The following SIPA1L3 variants were observed in gnomAD, a reference collection of about 807,000 sequenced individuals.
SIPA1L3 encodes the protein signal-induced proliferation-associated 1-like protein 3.
In SIPA1L3, 59 loss-of-function variants were observed where a neutral mutation model predicts 150.1. That is an observed-to-expected ratio of 0.39 (90% CI 0.32 to 0.49). SIPA1L3 has a LOEUF of 0.49. Among genes scored for constraint, SIPA1L3 ranks in the 20% least tolerant of loss-of-function variants. The probability of loss-of-function intolerance (pLI) is 0.86; values close to 1 mark genes in which losing one functional copy is unlikely to be tolerated. For synonymous variants in SIPA1L3, 1,070 were observed against 1,077.6 expected (o/e 0.99, Z 0.14); for missense variants, 2,211 against 2,489.5 (o/e 0.89, Z 2.38).
chr19:38,158,717 G>A (rs968014103), intron 13 of SIPA1L3, among the ~76,000 whole-genome samples: 3 of 152,232 alleles, frequency 2.0e-5, no homozygotes, highest in Non-Finnish European at 4.4e-5. Context: ...TTGTGGGCAT[G>A]AGAGAAGTCA....
rs181539298 is a variant in SIPA1L3 at position 38,141,549 on chromosome 19, G to A, written c.3395+114G>A. ...ATCCTCTTCCTCGCCTCAAGCTTTC[G>A]ACCTTCCTTCTTATCCTTATGTCTC... On this transcript the variant is annotated intron_variant, in intron 11 of 21. Transcript: ENST00000222345. 218 of 1,160,494 alleles carry A rather than the reference G, an allele frequency of 1.9e-4. 3 individuals carry two copies. The East Asian group carries it at 4.0e-3, about 21-fold the overall frequency. The allele number at this position is 1,160,494 out of a possible 1,614,324, so 71.9% of individuals were successfully genotyped here.
At chr19:37,989,251 G>A (rs1967438713) in intron 1 of SIPA1L3, among the ~76,000 whole-genome samples, 2 of 152,248 alleles carry the variant, frequency 1.3e-5, no homozygotes, top group South Asian at 4.1e-4. Context: ...ACAAGATATT[G>A]CTCTGTCACC....
At chr19:38,130,027 G>C (rs1277774295) in intron 9 of SIPA1L3, among the ~76,000 whole-genome samples, 1 of 151,358 alleles carries the variant, frequency 6.6e-6, no homozygotes, top group African/African-American at 2.4e-5. Context: ...AGATCATGCC[G>C]CTGCACTTCA....
At position 38,062,119 on chromosome 19, in the gene SIPA1L3, C is replaced by T. The variant is rs144064865; in HGVS notation, c.-310-19137C>T. Reference sequence around the variant, plus strand: ...GGAGTGCCCTATGGGGATCATCTTGCTGGATCTACCAGCAGTCTCACGAGG... The same window carrying T: ...GGAGTGCCCTATGGGGATCATCTTGTTGGATCTACCAGCAGTCTCACGAGG... On this transcript the variant is annotated intron_variant, in intron 2 of 21. Coordinates refer to ENST00000222345, the MANE Select transcript of SIPA1L3 (RefSeq NM_015073.3). 2.9e-3 allele frequency among the ~76,000 whole-genome samples: 446 copies of T among 152,050 alleles called. 2 individuals are homozygous for T. The highest frequency in any genetic ancestry group is 0.01 in the African/African-American group (424 of 41,464).
intron 5 of SIPA1L3, among the ~76,000 whole-genome samples, chr19:38,100,557 C>T (rs944298943): frequency 7.2e-5 from 11 of 152,192 alleles, no homozygotes; most frequent in South Asian, 4.1e-4. Context: ...GGAGAGCCAT[C>T]GATTGGGCTA....
Position 38,142,553 on chromosome 19 carries a change from C to T in SIPA1L3, c.3396-20C>T, listed in dbSNP as rs1411825938. On this transcript the variant is annotated intron_variant, in intron 11 of 21. Coordinates refer to ENST00000222345, the MANE Select transcript of SIPA1L3 (RefSeq NM_015073.3). ...CCTCCTACTCACCCTCTGCCTCCTT[C>T]CTCCCCTGTCTCCTTCTAGGCCTGT... The T allele has an allele frequency of 1.3e-6, 2 of 1,592,068 alleles. No individual in the cohort carries two copies. The highest frequency in any genetic ancestry group is 1.1e-5 in the South Asian group (1 of 89,368).
At chr19:38,079,344 G>C in intron 2 of SIPA1L3, among the ~76,000 whole-genome samples, 1 of 152,288 alleles carries the variant, frequency 6.6e-6, no homozygotes, top group Middle Eastern at 3.4e-3. Flanking sequence ...ACTGTTCTAG[G>C]CACTGGGAAT....
chr19:38,179,602 TCC>T, intron 15 of SIPA1L3, among the ~76,000 whole-genome samples: 1 of 152,232 alleles, frequency 6.6e-6, no homozygotes, highest in South Asian at 2.1e-4. Flanking sequence ...TTGTCCTATT[TCC>T]TTCTCCCTTT....
At chr19:38,070,360 C>T (rs1286207155) in intron 2 of SIPA1L3, among the ~76,000 whole-genome samples, 3 of 152,266 alleles carry the variant, frequency 2.0e-5, no homozygotes, top group South Asian at 2.1e-4. Context: ...CACACATGAG[C>T]CACTGCACCC....
At chr19:38,109,939 G>A in intron 7 of SIPA1L3, 1 of 375,212 alleles carries the variant, frequency 2.7e-6, no homozygotes, top group Non-Finnish European at 5.0e-6. Flanking sequence ...ACCAGAAGAG[G>A]TGACGAAGGA....
chr19:38,153,092 A>T, intron 13 of SIPA1L3, 125 bp downstream of exon 13: 18 of 1,272,958 alleles, frequency 1.4e-5, no homozygotes, highest in Non-Finnish European at 1.9e-5. Context: ...GAAAGCTGTA[A>T]GCGCCACATG....
intron 1 of SIPA1L3, among the ~76,000 whole-genome samples, chr19:38,001,808 A>C (rs1200141910): frequency 2.6e-5 from 4 of 152,206 alleles, no homozygotes; most frequent in Non-Finnish European, 5.9e-5. Flanking sequence ...TAAAACTTTT[A>C]TTGTGGCACA....
intron 12 of SIPA1L3, among the ~76,000 whole-genome samples, chr19:38,146,351 C>T (rs1241643293): frequency 6.6e-6 from 1 of 152,178 alleles, no homozygotes; most frequent in Non-Finnish European, 1.5e-5. Context: ...TAACCACTCA[C>T]CCATCAAAAG....
intron 20 of SIPA1L3, among the ~76,000 whole-genome samples, chr19:38,202,616 G>A (rs1973113464): frequency 6.6e-6 from 1 of 152,062 alleles, no homozygotes; most frequent in Non-Finnish European, 1.5e-5. Context: ...AAGGAAAGCT[G>A]CTAGGCAGTG....
chr19:38,082,495 C>T lies in SIPA1L3; in HGVS notation c.930C>T (p.Pro310=), dbSNP rs775746400. The T allele has an allele frequency of 4.1e-5, 65 of 1,594,682 alleles. No individual in the cohort carries two copies. Among genetic ancestry groups the T allele is most frequent in the Admixed American group, 6.8e-5 (4 of 58,946 alleles). ...SIFRKLRSSK[P]EGEAGRSPGE... ...TTCGGAAGCTAAGGAGCAGCAAACCCGAGGGGGAGGCTGGGCGTTCCCCGG... is the reference window on the plus strand; with the variant it reads ...TTCGGAAGCTAAGGAGCAGCAAACCTGAGGGGGAGGCTGGGCGTTCCCCGG... Residue 310 remains proline (P), a synonymous_variant, in exon 3 of 22, where the codon CCC becomes CCT. Transcript: ENST00000222345.
At position 38,140,155 on chromosome 19, in the gene SIPA1L3, G is replaced by A. The variant is rs78023259; in HGVS notation, c.3144-1029G>A. Among the ~76,000 whole-genome samples, 811 of 152,354 alleles carry A rather than the reference G, an allele frequency of 5.3e-3. 31 individuals are homozygous for A. Among genetic ancestry groups the A allele is most frequent in the Admixed American group, 0.046 (697 of 15,306 alleles). On this transcript the variant is annotated intron_variant, in intron 10 of 21. Coordinates refer to ENST00000222345, the MANE Select transcript of SIPA1L3 (RefSeq NM_015073.3). ...AGACACTCAGAGGATCAGCTCGATG[G>A]GGGTATGGGCACTTCCAGGCTGAAG...
chr19:38,132,317 C>A (rs955193993), intron 10 of SIPA1L3, among the ~76,000 whole-genome samples: 3 of 151,526 alleles, frequency 2.0e-5, no homozygotes, highest in African/African-American at 7.3e-5. Context: ...CTCAGCACTT[C>A]GGGAGGCCGA....
intron 1 of SIPA1L3, among the ~76,000 whole-genome samples, chr19:37,926,090 G>A (rs767593755): frequency 9.2e-5 from 14 of 152,150 alleles, no homozygotes; most frequent in African/African-American, 3.1e-4. Flanking sequence ...TTGTGCTTTC[G>A]TGGGTCAAGA....
chr19:37,951,165 C>G (rs996398305), intron 1 of SIPA1L3, among the ~76,000 whole-genome samples: 1 of 152,186 alleles, frequency 6.6e-6, no homozygotes. Context: ...TGTGTCTGTC[C>G]GTTAGATCAC....
Sources: gnomAD v4.1 joint callset for allele counts (sites outside exome capture counted in the v4.1 genomes callset) on GRCh38, gnomAD v4.1.1 for gene constraint, MANE v1.5 for transcripts, NCBI Gene and HGNC (gene_info 2026-07-23, HGNC 2026-07-21) for gene names.